TNRC6B: variants seen among roughly 807,000 people sequenced by gnomAD.
TNRC6B encodes the protein trinucleotide repeat containing adaptor 6B, also known as trinucleotide repeat-containing gene 6B protein.
Under a neutral mutation model 203.6 loss-of-function variants are expected in TNRC6B, and 52 were observed. The observed-to-expected ratio is 0.26, with a 90% CI of 0.20 to 0.32. The LOEUF (loss-of-function observed/expected upper bound fraction) is 0.32. TNRC6B is among the 10% of genes least tolerant of loss of function. The pLI is 1.00. For missense variants in TNRC6B, 1,923 were observed against 2,286.2 expected, an observed-to-expected ratio of 0.84 and a Z score of 3.24; for synonymous variants, 838 against 845.7, an observed-to-expected ratio of 0.99 and a Z score of 0.16.
At chr22:40,192,652 T>G (rs1379988873) in intron 1 of TNRC6B, among the ~76,000 whole-genome samples, 1 of 151,470 alleles carries the variant, frequency 6.6e-6, no homozygotes, top group East Asian at 1.9e-4. Context: ...TTCGAGCTCC[T>G]TCCGAAGTGG....
At chr22:40,291,175 C>T (rs1233478428) in intron 12 of TNRC6B, among the ~76,000 whole-genome samples, 1 of 152,078 alleles carries the variant, frequency 6.6e-6, no homozygotes, top group African/African-American at 2.4e-5. Context: ...TGCTTGAGCC[C>T]AGGAGTTCAA....
intron 3 of TNRC6B, among the ~76,000 whole-genome samples, chr22:40,153,911 AAG>A (rs1004742586): frequency 2.0e-5 from 3 of 151,076 alleles, no homozygotes; most frequent in African/African-American, 4.8e-5. Context: ...TCATTAAAGA[AAG>A]GGAATAATTC....
At chr22:40,248,214 C>T (rs903082908) in intron 2 of TNRC6B, among the ~76,000 whole-genome samples, 14 of 152,202 alleles carry the variant, frequency 9.2e-5, no homozygotes, top group African/African-American at 3.1e-4. Flanking sequence ...AGCATTGCCC[C>T]TGTGGTTTCT....
intron 15 of TNRC6B, among the ~76,000 whole-genome samples, chr22:40,306,253 C>T (rs1210471560): frequency 2.0e-5 from 3 of 152,132 alleles, no homozygotes; most frequent in Admixed American, 2.0e-4. Context: ...GATTGTGCCG[C>T]TGCACTCCAG....
At chr22:40,061,172 ATTAT>A (rs1182469198) in intron 1 of TNRC6B, among the ~76,000 whole-genome samples, 1 of 152,084 alleles carries the variant, frequency 6.6e-6, no homozygotes, top group African/African-American at 2.4e-5. Context: ...CTAGGTAAAT[ATTAT>A]TTGTGCATTT....
chr22:40,264,788 C>G lies in TNRC6B; in HGVS notation c.558C>G (p.Ile186Met). Residue 186 changes from isoleucine (I) to methionine (M), a missense_variant, in exon 5 of 23, where the codon ATC becomes ATG. Transcript: ENST00000454349. ...GCACCTCCCCCAACCCAATTCACAT[C>G]TGGGACAAGGTGATTGTAGACGGGT... ...NNGTSPNPIH[I>M]WDKVIVDGSD... is the part of the protein sequence containing the mutation. The G allele has an allele frequency of 6.2e-7, 1 of 1,613,978 alleles. No homozygotes were observed. The highest frequency in any genetic ancestry group is 1.7e-5 in the Admixed American group (1 of 60,018).
intron 1 of TNRC6B, among the ~76,000 whole-genome samples, chr22:40,208,117 AAAAAAAAAAAAAAAAC>A (rs1160497414): frequency 7.5e-6 from 1 of 132,622 alleles, no homozygotes; most frequent in East Asian, 2.4e-4. Flanking sequence ...ATCTCAAAAA[AAAAAAAAAAAAAAAAC>A]AAAAAAACAA....
chr22:40,160,924 AG>A (rs1356343440), intron 4 of TNRC6B, among the ~76,000 whole-genome samples: 3 of 152,050 alleles, frequency 2.0e-5, no homozygotes, highest in African/African-American at 7.2e-5. Context: ...ATCTTTTGTT[AG>A]TTTATTGGCC....
intron 1 of TNRC6B, among the ~76,000 whole-genome samples, chr22:40,073,402 T>C (rs1489581175): frequency 6.6e-6 from 1 of 152,056 alleles, no homozygotes; most frequent in Non-Finnish European, 1.5e-5. Context: ...CTAATATGGC[T>C]GGAAACTGTT....
At position 40,277,078 on chromosome 22, in the gene TNRC6B, G is replaced by A. The variant is rs1185228342; in HGVS notation, c.3143G>A (p.Cys1048Tyr). 6.3e-7 allele frequency: 1 copy of A among 1,596,962 alleles called. No homozygotes were observed. The highest frequency in any genetic ancestry group is 1.3e-5 in the African/African-American group (1 of 74,416). ...WGQGGKKQMK[C>Y]SLKGGNNDSW... ...AGGTTCCGTGTTTCATTTCTGTAGT[G>A]CTCACTCAAAGGAGGAAACAATGAT... Residue 1048 changes from cysteine (C) to tyrosine (Y), a missense_variant and splice_region_variant, in exon 8 of 23, where the codon TGC (cysteine) becomes TAC (tyrosine). Cys to Tyr is a radical substitution (Grantham distance 194, BLOSUM62 -2). Coordinates refer to ENST00000454349, the MANE Select transcript of TNRC6B (RefSeq NM_001162501.2).
chr22:40,057,450 C>T (rs1196827152), intron 1 of TNRC6B, among the ~76,000 whole-genome samples: 14 of 151,908 alleles, frequency 9.2e-5, no homozygotes, highest in South Asian at 2.1e-4. Context: ...TGTGCCACCA[C>T]GCCCGGCTAA....
At chr22:40,059,285 A>C (rs1351591221) in intron 1 of TNRC6B, among the ~76,000 whole-genome samples, 1 of 152,154 alleles carries the variant, frequency 6.6e-6, no homozygotes, top group Admixed American at 6.5e-5. Flanking sequence ...ATTTGGATAT[A>C]GTTTGTTCTT....
chr22:40,266,988 C>T lies in TNRC6B; in HGVS notation c.2758C>T (p.Pro920Ser), dbSNP rs1166509920. 4 of 1,611,382 alleles carry T rather than the reference C, an allele frequency of 2.5e-6. No homozygotes were observed. Among genetic ancestry groups the T allele is most frequent in the Non-Finnish European group, 3.4e-6 (4 of 1,178,668 alleles). Residue 920 changes from proline to serine, a missense_variant, in exon 5 of 23, where the codon CCT becomes TCT. This residue lies in a region of TNRC6B where 599 missense variants were observed against 656.5 expected (regional missense o/e 0.91). Coordinates refer to ENST00000454349, the MANE Select transcript of TNRC6B (RefSeq NM_001162501.2). ...TAAGAATTCCCAAGGGGGCCCAGCACCTCGAGAACCAAACCTGCCCACCCC... is the reference window on the plus strand; with the variant it reads ...TAAGAATTCCCAAGGGGGCCCAGCATCTCGAGAACCAAACCTGCCCACCCC... ...WDKNSQGGPAPREPNLPTPMT... is the reference protein window; with the variant it reads ...WDKNSQGGPASREPNLPTPMT...
At chr22:40,292,839 G>T (rs2070886481) in intron 12 of TNRC6B, among the ~76,000 whole-genome samples, 1 of 152,184 alleles carries the variant, frequency 6.6e-6, no homozygotes, top group Admixed American at 6.5e-5. Context: ...CTCTAAAATT[G>T]TCAGTTTATG....
chr22:40,333,953 A>C lies in TNRC6B; in HGVS notation c.*10712A>C, dbSNP rs757543419. 1.3e-5 allele frequency: 2 copies of C among 152,630 alleles called. No homozygotes were observed. Among genetic ancestry groups the C allele is most frequent in the Non-Finnish European group, 2.9e-5 (2 of 68,056 alleles). 9.5% of individuals were successfully genotyped at this position (152,630 alleles called of 1,614,324 possible). On this transcript the variant is annotated 3_prime_UTR_variant, in exon 23 of 23. Coordinates refer to ENST00000454349, the MANE Select transcript of TNRC6B (RefSeq NM_001162501.2). The stretch of plus-strand genomic sequence containing the variant: ...TAGTCAAGAAGCCCTTTTCAGTTGG[A>C]TCTCACTGATCTTGTATAGTGACGA...
intron 2 of TNRC6B, among the ~76,000 whole-genome samples, chr22:40,117,469 C>T (rs552429002): frequency 6.6e-6 from 1 of 152,132 alleles, no homozygotes; most frequent in Admixed American, 6.5e-5. Flanking sequence ...GGTTCACTTT[C>T]TGAATGATAG....
intron 1 of TNRC6B, among the ~76,000 whole-genome samples, chr22:40,183,361 C>G (rs2069160541): frequency 6.6e-6 from 1 of 152,114 alleles, no homozygotes; most frequent in Non-Finnish European, 1.5e-5. Flanking sequence ...GAAGCCTGTA[C>G]AGTGATTGCA....
chr22:40,125,327 T>C (rs2068480397), intron 2 of TNRC6B, among the ~76,000 whole-genome samples: 2 of 152,210 alleles, frequency 1.3e-5, no homozygotes, highest in Admixed American at 6.5e-5. Context: ...TCATAAATTA[T>C]AAGCCCGGGA....
rs573271335 is a variant in TNRC6B, at chr22:40,301,273, G to T, written c.4060G>T (p.Ala1354Ser). Residue 1354 changes from alanine (A) to serine (S), a missense_variant, in exon 15 of 23, where the codon GCA becomes TCA. Coordinates refer to ENST00000454349, the MANE Select transcript of TNRC6B (RefSeq NM_001162501.2). ...KPHLDNMVPN[A>S]LNVGLPDLQT... ...GCATCTGGACAACATGGTACCCAAC[G>T]CATTGAATGTGGGGCTCCCAGACCT... 58 of 1,594,270 alleles carry T rather than the reference G, an allele frequency of 3.6e-5. No homozygotes were observed. The highest frequency in any genetic ancestry group is 4.4e-5 in the Non-Finnish European group (51 of 1,169,642).
Sources: gnomAD v4.1 joint callset for allele counts (sites outside exome capture counted in the v4.1 genomes callset) on GRCh38, gnomAD v4.1.1 for gene constraint, gnomAD v4.1.1 regional missense constraint, MANE v1.5 for transcripts, NCBI Gene and HGNC (gene_info 2026-07-23, HGNC 2026-07-21) for gene names.